The following PPM1E variants were observed in gnomAD, a reference collection of about 807,000 sequenced individuals.
The protein encoded by PPM1E is protein phosphatase, Mg2+/Mn2+ dependent 1E, also known as protein phosphatase 1E.
In PPM1E, 20 loss-of-function variants were observed where a neutral mutation model predicts 65.9. The ratio of observed to expected loss-of-function variants is 0.30; its 90% confidence interval spans 0.21 to 0.44. The LOEUF is 0.44. Ranked by LOEUF, PPM1E falls within the 20% of genes least tolerant of loss-of-function variation. The pLI, the probability that PPM1E is intolerant of heterozygous loss-of-function variation, is 1.00. For synonymous variants in PPM1E, 352 were observed against 374.9 expected, an observed-to-expected ratio of 0.94 and a Z score of 0.70; for missense variants, 713 against 953.1, an observed-to-expected ratio of 0.75 and a Z score of 3.32.
At chr17:58,838,186 T>C (rs2050682125) in intron 1 of PPM1E, among the ~76,000 whole-genome samples, 1 of 152,132 alleles carries the variant, frequency 6.6e-6, no homozygotes, top group African/African-American at 2.4e-5. Context: ...AAAACATTGA[T>C]AAAATTGACT....
At chr17:58,952,786 G>C (rs2052257771) in intron 1 of PPM1E, among the ~76,000 whole-genome samples, 1 of 152,138 alleles carries the variant, frequency 6.6e-6, no homozygotes, top group African/African-American at 2.4e-5. Flanking sequence ...CGATTCTTCT[G>C]CCTCAGCCTC....
intron 1 of PPM1E, among the ~76,000 whole-genome samples, chr17:58,841,408 C>T (rs2050716095): frequency 1.3e-5 from 2 of 152,014 alleles, no homozygotes; most frequent in Non-Finnish European, 2.9e-5. Context: ...AGTCATAAAT[C>T]ATGTTGATAT....
At chr17:58,854,570 G>A (rs1371873447) in intron 1 of PPM1E, among the ~76,000 whole-genome samples, 2 of 152,076 alleles carry the variant, frequency 1.3e-5, no homozygotes, top group African/African-American at 2.4e-5. Context: ...TTTTATTACA[G>A]TGAGGTAGTT....
chr17:58,933,599 C>T (rs1265432987), intron 1 of PPM1E, among the ~76,000 whole-genome samples: 3 of 151,740 alleles, frequency 2.0e-5, no homozygotes, highest in Non-Finnish European at 4.4e-5. Context: ...AGTTGGAGAC[C>T]AGCCTGGCCA....
chr17:58,807,241 G>A (rs1385070189), intron 1 of PPM1E, among the ~76,000 whole-genome samples: 2 of 152,108 alleles, frequency 1.3e-5, no homozygotes, highest in Non-Finnish European at 2.9e-5. Context: ...AAAAGAAAAT[G>A]TTTTAGTGAA....
rs1567891174 is a variant in PPM1E at position 58,965,332 on chromosome 17, CT to C, written c.584-361del. ...TTTTCTAAGCATAGGAGGCTTGGCT[CT>C]CCTGGTGATAACCATACCAGACAAC... On this transcript the variant is annotated intron_variant, in intron 2 of 6. Transcript: ENST00000308249. Among the ~76,000 whole-genome samples, 3 of 152,176 alleles carry C rather than the reference CT, an allele frequency of 2.0e-5. No individual in the cohort carries two copies. In the South Asian group the frequency reaches 6.2e-4, roughly 32 times the overall value.
At chr17:58,896,672 GTAACT>G (rs1266172587) in intron 1 of PPM1E, among the ~76,000 whole-genome samples, 1 of 152,220 alleles carries the variant, frequency 6.6e-6, no homozygotes, top group Non-Finnish European at 1.5e-5. Flanking sequence ...AGCCAGCTCC[GTAACT>G]TAAAAGTGCA....
chr17:58,785,458 T>TTATTTATATATATATATATATATATA (rs2050089651), intron 1 of PPM1E: 1 of 88,990 alleles, frequency 1.1e-5, no homozygotes, highest in Non-Finnish European at 2.0e-5. Flanking sequence ...CCTGGCTAAT[T>TTATTTATATATATATATATATATATA]TATATATATA....
chr17:58,981,972 C>T lies in PPM1E; in HGVS notation c.*941C>T, dbSNP rs1249455641. 1 of 152,588 alleles carries T rather than the reference C, an allele frequency of 6.6e-6. No individual in the cohort carries two copies. The highest frequency in any genetic ancestry group is 1.5e-5 in the Non-Finnish European group (1 of 68,036). The allele number at this position is 152,588 out of a possible 1,614,324, so 9.5% of individuals were successfully genotyped here. On this transcript the variant is annotated 3_prime_UTR_variant, in exon 7 of 7. Coordinates refer to ENST00000308249, the MANE Select transcript of PPM1E (RefSeq NM_014906.5). The stretch of plus-strand genomic sequence containing the variant: ...CTTTTTTTAGTTCAGACAGCAAAGG[C>T]ATGTACTACTATAAAATACAAAGTG...
At chr17:58,861,478 A>C (rs2143302863) in intron 1 of PPM1E, among the ~76,000 whole-genome samples, 1 of 152,292 alleles carries the variant, frequency 6.6e-6, no homozygotes, top group Non-Finnish European at 1.5e-5. Context: ...ATTTTAGATC[A>C]CTGGCTTGAG....
In PPM1E at chr17:58,805,967, A is replaced by AC. The variant is rs1567838784; in HGVS notation, c.464+49506_464+49507insC. The stretch of plus-strand genomic sequence containing the variant: ...GTTCTGCTAAAAAAAAAAACAAAAA[A>AC]AAAAAACAAAAAAAAAACAAAACAA... On this transcript the variant is annotated intron_variant, in intron 1 of 6. Coordinates refer to ENST00000308249, the MANE Select transcript of PPM1E (RefSeq NM_014906.5). 9.6e-4 allele frequency among the ~76,000 whole-genome samples: 109 copies of AC among 113,752 alleles called. 3 individuals carry two copies. The highest frequency in any genetic ancestry group is 2.8e-3 in the South Asian group (9 of 3,160). The allele number at this position is 113,752 out of a possible 152,430, so 74.6% of individuals were successfully genotyped here. A position where few individuals can be genotyped will look rare whatever the true frequency, so the allele number is the denominator to read the frequency against.
intron 1 of PPM1E, among the ~76,000 whole-genome samples, chr17:58,805,994 A>AAAAAAAAAAAAAAC: frequency 8.5e-6 from 1 of 118,290 alleles, no homozygotes; most frequent in Non-Finnish European, 1.7e-5. Context: ...ACAAAACAAA[A>AAAAAAAAAAAAAAC]CAAAACAAAA....
rs577104168 is a variant in PPM1E at position 58,841,396 on chromosome 17, A to ACAGT, written c.464+84938_464+84941dup. On this transcript the variant is annotated intron_variant, in intron 1 of 6. Coordinates refer to ENST00000308249, the MANE Select transcript of PPM1E (RefSeq NM_014906.5). ...AGCCAAGTGATTATGGTCAATATAA[A>ACAGT]CAGTCATAAATCATGTTGATATCAT... 3.2e-3 allele frequency among the ~76,000 whole-genome samples: 491 copies of ACAGT among 152,342 alleles called. 2 individuals carry two copies. Among genetic ancestry groups the ACAGT allele is most frequent in the Non-Finnish European group, 5.0e-3 (342 of 68,034 alleles).
chr17:58,913,007 A>G (rs1027525696), intron 1 of PPM1E, among the ~76,000 whole-genome samples: 4 of 152,124 alleles, frequency 2.6e-5, no homozygotes, highest in African/African-American at 9.7e-5. Flanking sequence ...GTGTCTCTTC[A>G]TCTGGCTGTT....
At chr17:58,934,721 G>A (rs1278860176) in intron 1 of PPM1E, among the ~76,000 whole-genome samples, 1 of 152,088 alleles carries the variant, frequency 6.6e-6, no homozygotes, top group Non-Finnish European at 1.5e-5. Context: ...GAGGTCAGGA[G>A]TTTGAGACCA....
At chr17:58,857,248 A>G (rs1286364750) in intron 1 of PPM1E, among the ~76,000 whole-genome samples, 4 of 152,050 alleles carry the variant, frequency 2.6e-5, no homozygotes, top group African/African-American at 9.7e-5. Context: ...TGTTGTCCAC[A>G]TTGAATGGAA....
At chr17:58,842,401 T>C (rs1022253459) in intron 1 of PPM1E, among the ~76,000 whole-genome samples, 1 of 152,216 alleles carries the variant, frequency 6.6e-6, no homozygotes, top group African/African-American at 2.4e-5. Context: ...TCATTAACTG[T>C]AATAAGTGAG....
intron 1 of PPM1E, among the ~76,000 whole-genome samples, chr17:58,936,383 T>C (rs1244783479): frequency 6.6e-6 from 1 of 152,094 alleles, no homozygotes; most frequent in African/African-American, 2.4e-5. Context: ...GCATACTGAG[T>C]AGATAGCATC....
chr17:58,804,928 A>T (rs2050291178), intron 1 of PPM1E, among the ~76,000 whole-genome samples: 1 of 152,100 alleles, frequency 6.6e-6, no homozygotes, highest in African/African-American at 2.4e-5. Context: ...TACATAATAC[A>T]TTGTTGCTAA....
Sources: allele counts gnomAD v4.1 joint callset (sites outside exome capture counted in the v4.1 genomes callset), GRCh38; gene constraint gnomAD v4.1.1; transcripts MANE v1.5; gene names NCBI Gene and HGNC (gene_info 2026-07-23, HGNC 2026-07-21).